Variants in RFPL4AL1 observed in about 807,000 individuals in gnomAD.
RFPL4AL1 encodes ret finger protein-like 4A-like protein 1.
A neutral mutation model predicts 8.2 loss-of-function variants in RFPL4AL1; 2 were observed. The ratio of observed to expected loss-of-function variants is 0.24; its 90% CI spans 0.10 to 0.77. The LOEUF (loss-of-function observed/expected upper bound fraction) is 0.77. Among genes scored for constraint, RFPL4AL1 ranks in the 30% least tolerant of loss-of-function variants. The pLI is 0.72. For missense variants in RFPL4AL1, 57 were observed against 350.3 expected (o/e 0.16, Z 6.68); for synonymous variants, 25 against 131.8 (o/e 0.19, Z 5.55).
At chr19:55,772,416 C>A (rs570268562) in intron 2 of RFPL4AL1, among the ~76,000 whole-genome samples, 186 bp from the exon 3 acceptor site, 40 of 128,936 alleles carry the variant, frequency 3.1e-4, no homozygotes, top group South Asian at 9.1e-4. Flanking sequence ...TGATCATATT[C>A]ATGCAACCTA....
In RFPL4AL1 at chr19:55,772,882, G is replaced by A. The variant is rs1381398073; in HGVS notation, c.567G>A (p.Val189=). Residue 189 remains valine, a synonymous_variant, in exon 3 of 3, where the codon GTG becomes GTA. Transcript: ENST00000341750. ...CTTCAGAACACGGCTTCTTGACTGT[G>A]GGTTGCAGAGAAGGAAAGGTCTTTG... ...ELSSEHGFLT[V]GCREGKVFAA... 2 of 1,550,332 alleles carry A rather than the reference G, an allele frequency of 1.3e-6. No individual in the cohort carries two copies. Among genetic ancestry groups the A allele is most frequent in the Admixed American group, 2.0e-5 (1 of 50,842 alleles).
At chr19:55,771,743 T>C in intron 1 of RFPL4AL1, 53 bp from the exon 2 acceptor site, 1 of 1,549,048 alleles carries the variant, frequency 6.5e-7, no homozygotes, top group Non-Finnish European at 8.7e-7. Context: ...CACTATCAGC[T>C]GTTCATTCAG....
At chr19:55,772,153 T>C in intron 2 of RFPL4AL1, 63 bp downstream of exon 2, 1 of 1,462,458 alleles carries the variant, frequency 6.8e-7, no homozygotes, top group Non-Finnish European at 9.2e-7. Context: ...CTTTCAAACA[T>C]TTCTTCATTA....
chr19:55,771,690 G>C (rs200206915), intron 1 of RFPL4AL1, 106 bp from the exon 2 acceptor site: 13,514 of 1,047,980 alleles, frequency 0.013, 1,499 homozygotes, highest in Admixed American at 0.029. Flanking sequence ...TTTAAAGTAT[G>C]GTGCCATGAT....
rs1170391731 is a variant in RFPL4AL1 at position 55,771,872 on chromosome 19, A to G, written c.68A>G (p.Gln23Arg). 4 of 1,548,504 alleles carry G rather than the reference A, an allele frequency of 2.6e-6. No homozygotes were observed. The highest frequency in any genetic ancestry group is 2.6e-6 in the Non-Finnish European group (3 of 1,145,676). Residue 23 changes from glutamine (Q) to arginine (R), a missense_variant, in exon 2 of 3, where the codon CAA becomes CGA. By Grantham distance (43) the Gln-to-Arg change is conservative. Transcript: ENST00000341750. ...CTAAAAGATCTTGAAGAAGCCGTGC[A>G]ACTGAAATGTGGATATGCCTGCTGC... ...VCLKDLEEAVQLKCGYACCLQ... is the reference protein window; with the variant it reads ...VCLKDLEEAVRLKCGYACCLQ...
At chr19:55,770,387 G>C (rs1475792798) in intron 1 of RFPL4AL1, among the ~76,000 whole-genome samples, 1 of 151,922 alleles carries the variant, frequency 6.6e-6, no homozygotes, top group African/African-American at 2.4e-5. Flanking sequence ...GAAGTGAAAG[G>C]CAAGAAGTTT....
chr19:55,769,854 C>T (rs1336033906), intron 1 of RFPL4AL1, among the ~76,000 whole-genome samples: 1 of 151,832 alleles, frequency 6.6e-6, no homozygotes, highest in Non-Finnish European at 1.5e-5. Context: ...ATCATGCCCT[C>T]GGCCTTCATC....
chr19:55,771,091 T>G lies in RFPL4AL1; in HGVS notation c.-9-705T>G, dbSNP rs1434845320. On this transcript the variant is annotated intron_variant, in intron 1 of 2. Coordinates refer to ENST00000341750, the MANE Select transcript of RFPL4AL1 (RefSeq NM_001277397.2). ...TTCTTTTAGTTCTGTTTTTTGTTTTTTTTTTTTTTTTTTTCCGCTATGCAG... is the reference window on the plus strand; with the variant it reads ...TTCTTTTAGTTCTGTTTTTTGTTTTGTTTTTTTTTTTTTTCCGCTATGCAG... Among the ~76,000 whole-genome samples, 872 of 147,922 alleles carry G rather than the reference T, an allele frequency of 5.9e-3. 22 individuals carry two copies. The highest frequency in any genetic ancestry group is 0.014 in the Middle Eastern group (4 of 282).
intron 1 of RFPL4AL1, among the ~76,000 whole-genome samples, chr19:55,771,138 C>T (rs187368262): frequency 1.4e-4 from 17 of 122,488 alleles, no homozygotes; most frequent in African/African-American, 2.9e-4. Flanking sequence ...TTACCTGGTA[C>T]GACTTATTTG....
chr19:55,771,086 G>GTTTTTTTTTTTTTTTTTTTTTTTTT (rs74183507), intron 1 of RFPL4AL1, among the ~76,000 whole-genome samples: 2 of 130,376 alleles, frequency 1.5e-5, no homozygotes, highest in Non-Finnish European at 1.6e-5. Context: ...TCTGTTTTTT[G>GTTTTTTTTTTTTTTTTTTTTTTTTT]TTTTTTTTTT....
At chr19:55,770,407 A>C (rs1258389234) in intron 1 of RFPL4AL1, among the ~76,000 whole-genome samples, 1 of 151,920 alleles carries the variant, frequency 6.6e-6, no homozygotes. Flanking sequence ...TCTATTCCAG[A>C]GCAAAAGCAC....
intron 1 of RFPL4AL1, among the ~76,000 whole-genome samples, chr19:55,770,400 A>G (rs1484524149): frequency 2.6e-5 from 4 of 152,056 alleles, no homozygotes; most frequent in African/African-American, 7.2e-5. Context: ...AGAAGTTTCT[A>G]TTCCAGAGCA....
chr19:55,769,398 A>C (rs542732040), intron 1 of RFPL4AL1, among the ~76,000 whole-genome samples: 4 of 151,178 alleles, frequency 2.6e-5, no homozygotes, highest in Admixed American at 2.6e-4. Context: ...CTTGAATTTC[A>C]TCAGAATTTG....
chr19:55,771,171 G>C (rs56377192), intron 1 of RFPL4AL1, among the ~76,000 whole-genome samples: 2 of 138,266 alleles, frequency 1.4e-5, no homozygotes, highest in African/African-American at 5.2e-5. Context: ...TGTCCTTTTG[G>C]TGTGCTATCA....
chr19:55,769,500 C>T lies in RFPL4AL1; in HGVS notation c.-10+325C>T, dbSNP rs577949293. 7.3e-4 allele frequency among the ~76,000 whole-genome samples: 110 copies of T among 151,592 alleles called. 1 individual carries two copies. Among genetic ancestry groups the T allele is most frequent in the South Asian group, 3.5e-3 (17 of 4,800 alleles). On this transcript the variant is annotated intron_variant, in intron 1 of 2. Transcript: ENST00000341750. ...GGTTTGGTATTGTTTTCCTATTCTC[C>T]CCTTCCCACAACCCCTGGCAACCAT...
Position 55,772,315 on chromosome 19 carries a change from A to G in RFPL4AL1, c.286+225A>G, listed in dbSNP as rs1238538124. On this transcript the variant is annotated intron_variant, in intron 2 of 2. Transcript: ENST00000341750. The stretch of plus-strand genomic sequence containing the variant: ...GCTACTGTCTTCTTTCATGTATCAT[A>G]TGTGCTAAATGGAAAACTAATTTTC... 1.5e-5 allele frequency among the ~76,000 whole-genome samples: 2 copies of G among 130,784 alleles called. 1 individual carries two copies. The highest frequency in any genetic ancestry group is 5.2e-5 in the African/African-American group (2 of 38,322). 85.8% of individuals were successfully genotyped at this position (130,784 alleles called of 152,430 possible).
intron 1 of RFPL4AL1, among the ~76,000 whole-genome samples, chr19:55,771,183 G>T: frequency 6.8e-6 from 1 of 147,978 alleles, no homozygotes. Context: ...GTGCTATCAG[G>T]GTTTTCACCA....
rs761971531 is a variant in RFPL4AL1, at chr19:55,772,083, G to T, written c.279G>T (p.Lys93Asn). ...SVLTMNPRMRKFQVDMTFDVD... is the reference protein window; with the variant it reads ...SVLTMNPRMRNFQVDMTFDVD... ...TAACAATGAACCCAAGGATGAGGAA[G>T]TTTCAAGGTAAGGAATCTATAGGAC... Residue 93 changes from lysine to asparagine, a missense_variant, in exon 2 of 3, where the codon AAG becomes AAT. Lys to Asn is a moderately conservative substitution (Grantham distance 94, BLOSUM62 0). Coordinates refer to ENST00000341750, the MANE Select transcript of RFPL4AL1 (RefSeq NM_001277397.2). 44 of 1,459,310 alleles carry T rather than the reference G, an allele frequency of 3.0e-5. 1 individual carries two copies. Among genetic ancestry groups the T allele is most frequent in the Middle Eastern group, 4.1e-4 (2 of 4,856 alleles). The allele number at this position is 1,459,310 out of a possible 1,614,324, so 90.4% of individuals were successfully genotyped here. A position where few individuals can be genotyped will look rare whatever the true frequency, so the allele number is the denominator to read the frequency against.
chr19:55,771,086 G>GC (rs1555799526), intron 1 of RFPL4AL1, among the ~76,000 whole-genome samples: 1 of 130,380 alleles, frequency 7.7e-6, no homozygotes, highest in African/African-American at 3.1e-5. Context: ...TCTGTTTTTT[G>GC]TTTTTTTTTT....
Sources: allele counts gnomAD v4.1 joint callset (sites outside exome capture counted in the v4.1 genomes callset), GRCh38; gene constraint gnomAD v4.1.1; transcripts MANE v1.5; gene names NCBI Gene and HGNC (gene_info 2026-07-23, HGNC 2026-07-21).